The following GNG4 variants were observed in gnomAD, a reference collection of about 807,000 sequenced individuals.
GNG4 encodes the protein guanine nucleotide-binding protein G(I)/G(S)/G(O) subunit gamma-4.
Under a neutral mutation model 5.8 loss-of-function variants are expected in GNG4, and 4 were observed. That is an observed-to-expected ratio of 0.69 (90% confidence interval 0.34 to 1.57). The LOEUF is 1.57. GNG4 is among the 40% of genes most tolerant of loss of function. The pLI, the probability that GNG4 is intolerant of heterozygous loss-of-function variation, is 0.06. For synonymous variants in GNG4, 29 were observed against 32.9 expected (o/e 0.88, Z 0.41); for missense variants, 96 against 95.1 (o/e 1.01, Z -0.04).
chr1:235,593,618 T>G (rs932479054), intron 2 of GNG4, among the ~76,000 whole-genome samples: 1 of 152,172 alleles, frequency 6.6e-6, no homozygotes, highest in African/African-American at 2.4e-5. Flanking sequence ...AAAGGCGGCG[T>G]GTCCGGAGTT....
At chr1:235,593,384 G>C (rs866602334) in intron 2 of GNG4, among the ~76,000 whole-genome samples, 2 of 152,200 alleles carry the variant, frequency 1.3e-5, no homozygotes, top group Non-Finnish European at 2.9e-5. Context: ...ACAGTACTTA[G>C]AATTTCTGGA....
chr1:235,552,283 A>G (rs979997485), intron 3 of GNG4, 46 bp from the exon 4 acceptor site: 1 of 1,598,594 alleles, frequency 6.3e-7, no homozygotes, highest in Admixed American at 1.7e-5. Context: ...GCCCCTTTGC[A>G]GAGTGAGTCC....
intron 3 of GNG4, among the ~76,000 whole-genome samples, chr1:235,578,171 T>C (rs755008066): frequency 2.6e-5 from 4 of 152,102 alleles, no homozygotes; most frequent in Non-Finnish European, 5.9e-5. Context: ...GTGACTATTA[T>C]TAAAAAAACA....
At chr1:235,610,353 C>T (rs370337782) in intron 1 of GNG4, among the ~76,000 whole-genome samples, 1 of 152,148 alleles carries the variant, frequency 6.6e-6, no homozygotes, top group Admixed American at 6.6e-5. Context: ...TAATGATGTT[C>T]GTTGTCATCA....
At chr1:235,639,573 T>G (rs531229669) in intron 1 of GNG4, among the ~76,000 whole-genome samples, 40 of 152,272 alleles carry the variant, frequency 2.6e-4, no homozygotes, top group South Asian at 6.2e-4. Flanking sequence ...AGACAGAGTC[T>G]TACTCTGTCG....
chr1:235,550,448 C>T lies in GNG4; in HGVS notation c.*1661G>A, dbSNP rs1686712707. ...CTGCCCTCAAATCCCAGTTTTTCTG[C>T]TTACCATGTGTAACCTTGGGCAAAC... On this transcript the variant is annotated 3_prime_UTR_variant, in exon 4 of 4. Transcript: ENST00000391854. 1 of 152,346 alleles carries T rather than the reference C, an allele frequency of 6.6e-6. No homozygotes were observed. The highest frequency in any genetic ancestry group is 1.9e-4 in the East Asian group (1 of 5,200). 9.4% of individuals were successfully genotyped at this position (152,346 alleles called of 1,614,324 possible).
chr1:235,604,727 C>T lies in GNG4; in HGVS notation c.-122-9216G>A, dbSNP rs576366018. Among the ~76,000 whole-genome samples the T allele has an allele frequency of 5.2e-4, 79 of 152,318 alleles. 2 individuals are homozygous for T. Among genetic ancestry groups the T allele is most frequent in the Admixed American group, 4.2e-3 (64 of 15,298 alleles). ...ACTTAATCATATTTGCAAAGACCCA[C>T]TTTCCAAATAAAGTCATATTCTGAA... On this transcript the variant is annotated intron_variant, in intron 1 of 3. Transcript: ENST00000391854.
At chr1:235,560,547 A>T (rs1687031208) in intron 3 of GNG4, among the ~76,000 whole-genome samples, 1 of 152,212 alleles carries the variant, frequency 6.6e-6, no homozygotes, top group Non-Finnish European at 1.5e-5. Context: ...CAGCAGCACA[A>T]GCCAACTGAA....
intron 1 of GNG4, among the ~76,000 whole-genome samples, chr1:235,625,769 T>C (rs1460858624): frequency 6.6e-6 from 1 of 152,256 alleles, no homozygotes; most frequent in Non-Finnish European, 1.5e-5. Context: ...TGATAGCTCA[T>C]TTCTTTTTTA....
At chr1:235,563,446 A>G (rs1298735166) in intron 3 of GNG4, among the ~76,000 whole-genome samples, 1 of 140,222 alleles carries the variant, frequency 7.1e-6, no homozygotes, top group Non-Finnish European at 1.5e-5. Context: ...TTTTATCTTT[A>G]TAGCCTTAAT....
At chr1:235,614,927 G>C (rs1177899439) in intron 1 of GNG4, 1 of 152,384 alleles carries the variant, frequency 6.6e-6, no homozygotes, top group Non-Finnish European at 1.5e-5. Context: ...TGCAGGGACA[G>C]AGGAACCTCT....
intron 3 of GNG4, among the ~76,000 whole-genome samples, chr1:235,562,862 G>A (rs188855063): frequency 4.9e-4 from 74 of 151,934 alleles, no homozygotes; most frequent in Non-Finnish European, 4.0e-4. Flanking sequence ...TATAGATCTT[G>A]TGCATATTGA....
At chr1:235,601,929 G>C (rs189725197) in intron 1 of GNG4, among the ~76,000 whole-genome samples, 12 of 152,202 alleles carry the variant, frequency 7.9e-5, no homozygotes, top group Admixed American at 2.6e-4. Context: ...ATGTCCCCTG[G>C]GAACGTGTCA....
intron 1 of GNG4, among the ~76,000 whole-genome samples, chr1:235,628,993 A>ATTTTTTTTT (rs1054950474): frequency 8.4e-6 from 1 of 118,364 alleles, no homozygotes. Context: ...ATTTGCTTGA[A>ATTTTTTTTT]TTTTTTTTTT....
chr1:235,570,149 C>T lies in GNG4; in HGVS notation c.99+13591G>A, dbSNP rs111734797. On this transcript the variant is annotated intron_variant, in intron 3 of 3. Coordinates refer to ENST00000391854, the MANE Select transcript of GNG4 (RefSeq NM_001098722.2). ...ATTTATTCTCTCTGCCAGGAATATT[C>T]GCATACAAATGTGAGAATGCTCTTG... is the stretch of plus-strand genomic sequence containing the variant. 6.6e-3 allele frequency among the ~76,000 whole-genome samples: 1,000 copies of T among 152,268 alleles called. 10 individuals are homozygous for T. Among genetic ancestry groups the T allele is most frequent in the African/African-American group, 0.023 (943 of 41,532 alleles).
intron 1 of GNG4, among the ~76,000 whole-genome samples, chr1:235,618,134 G>C (rs1688636226): frequency 6.6e-6 from 1 of 152,284 alleles, no homozygotes; most frequent in African/African-American, 2.4e-5. Flanking sequence ...TTTAGGATTT[G>C]CTACTTCCAT....
intron 3 of GNG4, chr1:235,566,943 GTATTAT>G (rs59987385): frequency 1.3e-5 from 2 of 151,734 alleles, no homozygotes; most frequent in Non-Finnish European, 2.9e-5. Flanking sequence ...TTTTTTTAAA[GTATTAT>G]TATTATTATT....
At chr1:235,594,916 G>A (rs1688085431) in intron 2 of GNG4, among the ~76,000 whole-genome samples, 1 of 152,238 alleles carries the variant, frequency 6.6e-6, no homozygotes, top group Admixed American at 6.5e-5. Flanking sequence ...AGCAAGGGCT[G>A]TGAGGGTTGC....
intron 3 of GNG4, among the ~76,000 whole-genome samples, chr1:235,555,870 T>A (rs1476772778): frequency 6.6e-6 from 1 of 152,032 alleles, no homozygotes; most frequent in Admixed American, 6.5e-5. Context: ...CTTTTAGCAA[T>A]TTTCTTTTTT....
Sources: gnomAD v4.1 joint callset for allele counts (sites outside exome capture counted in the v4.1 genomes callset) on GRCh38, gnomAD v4.1.1 for gene constraint, MANE v1.5 for transcripts, NCBI Gene and HGNC (gene_info 2026-07-23, HGNC 2026-07-21) for gene names.